Variants in DNAH5 observed in about 807,000 individuals in gnomAD.
DNAH5 encodes the protein axonemal beta dynein heavy chain 5.
DNAH5 carries 372 observed loss-of-function variants against 518.2 expected under a neutral mutation model. That is an observed-to-expected ratio of 0.72 (90% CI 0.66 to 0.78). DNAH5 has a LOEUF of 0.78. Ranked by LOEUF, DNAH5 falls within the 30% of genes least tolerant of loss-of-function variation. The pLI, the probability that DNAH5 is intolerant of heterozygous loss-of-function variation, is 0.00. For synonymous variants in DNAH5, 2,039 were observed against 2,025.9 expected (o/e 1.01, Z -0.17); for missense variants, 5,523 against 5,687.0 (o/e 0.97, Z 0.93).
At chr5:13,702,672 G>A (rs1742269650) in intron 76 of DNAH5, among the ~76,000 whole-genome samples, 1 of 152,002 alleles carries the variant, frequency 6.6e-6, no homozygotes, top group Non-Finnish European at 1.5e-5. Context: ...TTAAAGATGA[G>A]AAGGAAATAA....
rs1358924801 is a variant in DNAH5, at chr5:13,901,276, G to A, written c.2028C>T (p.Leu676=). 2 of 1,613,940 alleles carry A rather than the reference G, an allele frequency of 1.2e-6. No individual in the cohort carries two copies. Among genetic ancestry groups the A allele is most frequent in the East Asian group, 2.2e-5 (1 of 44,894 alleles). ...CTTGCCGAAGCCACGCCCTGTGGAA[G>A]AGGACCTCAAACTCCAGGAGGACCT... ...MAKVLLEFEV[L]FHRAWLRQIE... The change falls in exon 14 of 79, where the codon CTC becomes CTT. Residue 676 remains leucine, a synonymous_variant. Transcript: ENST00000265104.
rs368532394 is a variant in DNAH5 at position 13,737,985 on chromosome 5, C to G, written c.11212-490G>C. 8.6e-5 allele frequency among the ~76,000 whole-genome samples: 13 copies of G among 151,766 alleles called. 1 individual carries two copies. The East Asian group carries it at 1.4e-3, about 16-fold the overall frequency. ...AGCTGAAGCAGGAGAATCCCTTGAG[C>G]CAGGGAGGCAGAGGTTGCAGTGAGC... On this transcript the variant is annotated intron_variant, in intron 65 of 78. Transcript: ENST00000265104.
At chr5:13,748,605 A>T (rs1301245971) in intron 65 of DNAH5, among the ~76,000 whole-genome samples, 1 of 152,146 alleles carries the variant, frequency 6.6e-6, no homozygotes, top group Admixed American at 6.6e-5. Context: ...ATCCCTTGTA[A>T]GTTGGATTCC....
At position 13,919,318 on chromosome 5, in the gene DNAH5, G is replaced by T. The variant is rs776859976; in HGVS notation, c.833C>A (p.Ala278Glu). The part of the protein sequence containing the change: ...LAENNQLLKE[A>E]DDVGPRAELE... Reference sequence around the variant, plus strand: ...CTCCGCTCGTGGCCCAACGTCATCCGCTTCCTTCAGCAGCTGATTGTTTTC... The same window carrying T: ...CTCCGCTCGTGGCCCAACGTCATCCTCTTCCTTCAGCAGCTGATTGTTTTC... The change falls in exon 7 of 79, where the codon GCG becomes GAG. Residue 278 changes from alanine to glutamate, a missense_variant. By Grantham distance (107) the Ala-to-Glu change is moderately radical. Coordinates refer to ENST00000265104, the MANE Select transcript of DNAH5 (RefSeq NM_001369.3). The T allele has an allele frequency of 1.2e-6, 2 of 1,614,016 alleles. No individual in the cohort carries two copies. Among genetic ancestry groups the T allele is most frequent in the Non-Finnish European group, 1.7e-6 (2 of 1,179,972 alleles).
At chr5:13,915,685 G>A (rs1196726791) in intron 9 of DNAH5, among the ~76,000 whole-genome samples, 3 of 152,016 alleles carry the variant, frequency 2.0e-5, no homozygotes, top group Non-Finnish European at 4.4e-5. Flanking sequence ...TTCAGAACAC[G>A]AGTCTTGATT....
chr5:13,972,128 C>T (rs1371543697), intron 1 of DNAH5, among the ~76,000 whole-genome samples: 5 of 152,106 alleles, frequency 3.3e-5, no homozygotes, highest in African/African-American at 9.7e-5. Context: ...CAGGCCTCAC[C>T]CAGCTCCCAT....
At chr5:14,004,275 C>T (rs530029639) in intron 1 of DNAH5, among the ~76,000 whole-genome samples, 3 of 152,244 alleles carry the variant, frequency 2.0e-5, no homozygotes, top group South Asian at 2.1e-4. Context: ...TATCAGGCCA[C>T]ATGGAGAGCA....
rs186648905 is a variant in DNAH5, at chr5:13,903,425, A to C, written c.1645-1287T>G. Among the ~76,000 whole-genome samples the C allele has an allele frequency of 2.0e-5, 3 of 152,198 alleles. No individual in the cohort carries two copies. The East Asian group carries it at 5.8e-4, about 29-fold the overall frequency. On this transcript the variant is annotated intron_variant, in intron 12 of 78. Coordinates refer to ENST00000265104, the MANE Select transcript of DNAH5 (RefSeq NM_001369.3). ...AAGATATTTAAAATGAGAAAGGCTG[A>C]GAATTTTCCACAATTAAAAAAAGAC... is the stretch of plus-strand genomic sequence containing the variant.
chr5:13,899,551 A>C (rs577316534), intron 15 of DNAH5: 1 of 152,432 alleles, frequency 6.6e-6, no homozygotes, highest in African/African-American at 2.4e-5. Flanking sequence ...CTTGTACTTA[A>C]ATGGGAACTA....
chr5:13,700,941 T>C, intron 77 of DNAH5, 70 bp from the exon 78 acceptor site: 1 of 1,482,694 alleles, frequency 6.7e-7, no homozygotes, highest in Non-Finnish European at 9.4e-7. Context: ...ATAACAATAA[T>C]GAAAGCTTGG....
chr5:13,737,092 G>T (rs893094066), intron 66 of DNAH5, among the ~76,000 whole-genome samples, 160 bp downstream of exon 66: 1 of 152,114 alleles, frequency 6.6e-6, no homozygotes, highest in African/African-American at 2.4e-5. Context: ...AAAAATTTTT[G>T]ACCTCCATTT....
chr5:13,787,645 T>A (rs1342372825), intron 51 of DNAH5, among the ~76,000 whole-genome samples: 1 of 146,462 alleles, frequency 6.8e-6, no homozygotes, highest in Admixed American at 6.8e-5. Flanking sequence ...AAAATCATAA[T>A]CTGATTATTT....
rs761825915 is a variant in DNAH5, at chr5:13,862,536, T to C, written c.4796+12A>G. On this transcript the variant is annotated intron_variant, in intron 29 of 78. Transcript: ENST00000265104. ...TCTCAAATCTAAGGGAAAAGATAGA[T>C]GGTTTTCCCACCTGTTGCTCAGTAG... is the stretch of plus-strand genomic sequence containing the variant. 7 of 1,612,816 alleles carry C rather than the reference T, an allele frequency of 4.3e-6. No homozygotes were observed. The highest frequency in any genetic ancestry group is 5.9e-6 in the Non-Finnish European group (7 of 1,178,850).
At chr5:13,887,952 C>T (rs1403913907) in intron 17 of DNAH5, among the ~76,000 whole-genome samples, 1 of 152,148 alleles carries the variant, frequency 6.6e-6, no homozygotes, top group African/African-American at 2.4e-5. Context: ...CTCCCTCTAC[C>T]AAGCTCCATA....
chr5:13,739,832 C>A (rs188220951), intron 65 of DNAH5, among the ~76,000 whole-genome samples: 1 of 152,080 alleles, frequency 6.6e-6, no homozygotes, highest in Non-Finnish European at 1.5e-5. Context: ...TTTATGCTTA[C>A]GAGAAACTTA....
intron 1 of DNAH5, among the ~76,000 whole-genome samples, chr5:13,970,035 T>C (rs1781769235): frequency 6.6e-6 from 1 of 152,212 alleles, no homozygotes; most frequent in South Asian, 2.1e-4. Flanking sequence ...AGTCCTTTTA[T>C]CATTATATAA....
chr5:13,853,747 T>C (rs148858085), intron 30 of DNAH5, among the ~76,000 whole-genome samples: 8 of 151,726 alleles, frequency 5.3e-5, no homozygotes, highest in East Asian at 3.9e-4. Flanking sequence ...AATACCCAAA[T>C]TGATCAAGCA....
At chr5:13,942,763 T>C (rs1418269844) in intron 1 of DNAH5, among the ~76,000 whole-genome samples, 2 of 152,142 alleles carry the variant, frequency 1.3e-5, no homozygotes, top group Non-Finnish European at 2.9e-5. Flanking sequence ...CACTGACCCC[T>C]GCCCTGCTCC....
chr5:13,721,927 A>G (rs1745107763), intron 70 of DNAH5, among the ~76,000 whole-genome samples: 1 of 152,224 alleles, frequency 6.6e-6, no homozygotes, highest in Admixed American at 6.5e-5. Context: ...TTTATTTTTC[A>G]ACAAATGGTA....
Sources: gnomAD v4.1 joint callset for allele counts (sites outside exome capture counted in the v4.1 genomes callset) on GRCh38, gnomAD v4.1.1 for gene constraint, MANE v1.5 for transcripts, NCBI Gene and HGNC (gene_info 2026-07-23, HGNC 2026-07-21) for gene names.